Variants in UBE2E2 observed in about 807,000 individuals in gnomAD.
The protein encoded by UBE2E2 is ubiquitin conjugating enzyme E2 E2.
Under a neutral mutation model 24.7 loss-of-function variants are expected in UBE2E2, and 6 were observed. That is an observed-to-expected ratio of 0.24 (90% CI 0.13 to 0.48). The LOEUF (loss-of-function observed/expected upper bound fraction) is 0.48. Ranked by LOEUF, UBE2E2 falls within the 20% of genes least tolerant of loss-of-function variation. UBE2E2 has a pLI of 0.99. For synonymous variants in UBE2E2, 104 were observed against 83.6 expected (o/e 1.24, Z -1.33); for missense variants, 169 against 245.0 (o/e 0.69, Z 2.07).
At chr3:23,443,404 A>G (rs544326481) in intron 3 of UBE2E2, among the ~76,000 whole-genome samples, 1 of 152,288 alleles carries the variant, frequency 6.6e-6, no homozygotes, top group African/African-American at 2.4e-5. Flanking sequence ...TGGATAAGCT[A>G]TTGTGGTACC....
At chr3:23,380,108 T>C (rs1436833312) in intron 3 of UBE2E2, among the ~76,000 whole-genome samples, 1 of 139,374 alleles carries the variant, frequency 7.2e-6, no homozygotes, top group African/African-American at 2.7e-5. Flanking sequence ...AAAAAAACCC[T>C]GAAATTGCGA....
intron 3 of UBE2E2, among the ~76,000 whole-genome samples, chr3:23,233,438 G>A (rs758350484): frequency 2.6e-5 from 4 of 152,058 alleles, no homozygotes; most frequent in Non-Finnish European, 5.9e-5. Flanking sequence ...TTAAGAGGGG[G>A]TGAACAAAGG....
rs1575592826 is a variant in UBE2E2 at position 23,374,995 on chromosome 3, A to C, written c.228-124613A>C. On this transcript the variant is annotated intron_variant, in intron 3 of 5. Coordinates refer to ENST00000396703, the MANE Select transcript of UBE2E2 (RefSeq NM_152653.4). ...TATTACATACCTTAAAAGCCATGAGAGAAGTGGAGAGTTATGTTATTCTAT... is the reference window on the plus strand; with the variant it reads ...TATTACATACCTTAAAAGCCATGAGCGAAGTGGAGAGTTATGTTATTCTAT... 2.6e-5 allele frequency among the ~76,000 whole-genome samples: 4 copies of C among 152,256 alleles called. No homozygotes were observed. The South Asian group carries it at 8.3e-4, about 32-fold the overall frequency.
At chr3:23,564,035 C>CT (rs1315134052) in intron 5 of UBE2E2, among the ~76,000 whole-genome samples, 1 of 138,894 alleles carries the variant, frequency 7.2e-6, no homozygotes, top group Admixed American at 7.1e-5. Context: ...GAGGTTTTTT[C>CT]TGTTTTTTTT....
At position 23,449,312 on chromosome 3, in the gene UBE2E2, G is replaced by A. The variant is rs1239009546; in HGVS notation, c.228-50296G>A. Among the ~76,000 whole-genome samples, 6 of 152,122 alleles carry A rather than the reference G, an allele frequency of 3.9e-5. No individual in the cohort carries two copies. In the East Asian group the frequency reaches 1.2e-3, roughly 29 times the overall value. On this transcript the variant is annotated intron_variant, in intron 3 of 5. Coordinates refer to ENST00000396703, the MANE Select transcript of UBE2E2 (RefSeq NM_152653.4). ...ACATGGATTTCTTAAAAATTTTTTG[G>A]AGAATAAAACAACAGATCTTTGTTT...
chr3:23,489,705 G>T (rs1296432903), intron 3 of UBE2E2, among the ~76,000 whole-genome samples: 2 of 152,176 alleles, frequency 1.3e-5, no homozygotes, highest in African/African-American at 4.8e-5. Context: ...TCACTCACCT[G>T]CTGTGTGGCC....
At chr3:23,224,208 A>G (rs1188300557) in intron 3 of UBE2E2, among the ~76,000 whole-genome samples, 5 of 66,976 alleles carry the variant, frequency 7.5e-5, no homozygotes, top group African/African-American at 3.0e-4. Context: ...TGTTATTGGT[A>G]TTTTGATAAG....
chr3:23,527,294 C>A (rs1223555528), intron 4 of UBE2E2, among the ~76,000 whole-genome samples: 1 of 152,154 alleles, frequency 6.6e-6, no homozygotes, highest in African/African-American at 2.4e-5. Flanking sequence ...TATGACCCAC[C>A]AATTACACTC....
intron 2 of UBE2E2, among the ~76,000 whole-genome samples, chr3:23,214,872 G>A (rs973959397): frequency 1.3e-5 from 2 of 151,646 alleles, no homozygotes; most frequent in African/African-American, 4.8e-5. Flanking sequence ...AGACTGTTTA[G>A]CTGTCTTTAG....
intron 5 of UBE2E2, among the ~76,000 whole-genome samples, chr3:23,564,487 A>C (rs1312184951): frequency 6.6e-6 from 1 of 152,156 alleles, no homozygotes; most frequent in Non-Finnish European, 1.5e-5. Flanking sequence ...TCTCCAAAAA[A>C]TACTCCAAAT....
At chr3:23,463,272 A>C (rs1406566100) in intron 3 of UBE2E2, among the ~76,000 whole-genome samples, 1 of 152,146 alleles carries the variant, frequency 6.6e-6, no homozygotes, top group Non-Finnish European at 1.5e-5. Flanking sequence ...TAAGGTGGGA[A>C]TGATTAGTGG....
At chr3:23,537,745 T>TTGATTGTTA (rs1695299278) in intron 5 of UBE2E2, among the ~76,000 whole-genome samples, 1 of 152,180 alleles carries the variant, frequency 6.6e-6, no homozygotes, top group South Asian at 2.1e-4. Context: ...TACCTTAGCT[T>TTGATTGTTA]TGATTGTTAT....
intron 3 of UBE2E2, among the ~76,000 whole-genome samples, chr3:23,332,674 G>T (rs1052645549): frequency 9.3e-6 from 1 of 108,072 alleles, no homozygotes; most frequent in Non-Finnish European, 2.0e-5. Flanking sequence ...CAGCCAGTGG[G>T]GTGTGTGTGT....
rs140053857 is a variant in UBE2E2 at position 23,565,211 on chromosome 3, C to G, written c.509-24523C>G. Among the ~76,000 whole-genome samples, 305 of 152,154 alleles carry G rather than the reference C, an allele frequency of 2.0e-3. 5 individuals carry two copies. Among genetic ancestry groups the G allele is most frequent in the East Asian group, 0.015 (79 of 5,180 alleles). On this transcript the variant is annotated intron_variant, in intron 5 of 5. Coordinates refer to ENST00000396703, the MANE Select transcript of UBE2E2 (RefSeq NM_152653.4). ...GAGAGATGACACATTAGGTGACAGT[C>G]ACATTATGATGTGAGTCAAGGTATA...
intron 3 of UBE2E2, among the ~76,000 whole-genome samples, chr3:23,494,343 C>T (rs551293354): frequency 6.6e-6 from 1 of 152,208 alleles, no homozygotes; most frequent in Admixed American, 6.5e-5. Flanking sequence ...CAAGTATTAC[C>T]ATTTCAACAT....
At chr3:23,265,723 T>G (rs1003083092) in intron 3 of UBE2E2, among the ~76,000 whole-genome samples, 4 of 152,114 alleles carry the variant, frequency 2.6e-5, no homozygotes, top group Non-Finnish European at 5.9e-5. Flanking sequence ...CACTTGGAGG[T>G]CTGTCTAATG....
At chr3:23,434,019 T>C (rs1698126495) in intron 3 of UBE2E2, among the ~76,000 whole-genome samples, 1 of 152,210 alleles carries the variant, frequency 6.6e-6, no homozygotes, top group Middle Eastern at 3.4e-3. Context: ...CATACAAATA[T>C]AAAAATTTCT....
chr3:23,434,449 G>A (rs1698138610), intron 3 of UBE2E2, among the ~76,000 whole-genome samples: 1 of 152,006 alleles, frequency 6.6e-6, no homozygotes, highest in African/African-American at 2.4e-5. Context: ...AAATTTAAAG[G>A]CAAAAAATTC....
intron 3 of UBE2E2, among the ~76,000 whole-genome samples, chr3:23,292,841 A>T (rs774732673): frequency 2.6e-5 from 4 of 152,168 alleles, no homozygotes; most frequent in Middle Eastern, 3.2e-3. Context: ...TGGGAGGCTG[A>T]GGTGGGTGGA....
Sources: allele counts gnomAD v4.1 joint callset (sites outside exome capture counted in the v4.1 genomes callset), GRCh38; gene constraint gnomAD v4.1.1; transcripts MANE v1.5; gene names NCBI Gene and HGNC (gene_info 2026-07-23, HGNC 2026-07-21).